PHLDB1: variants seen among roughly 807,000 people sequenced by gnomAD.
PHLDB1 encodes the protein pleckstrin homology-like domain family B member 1.
In PHLDB1, 65 loss-of-function variants were observed where a neutral mutation model predicts 139.3. That is an observed-to-expected ratio of 0.47 (90% CI 0.38 to 0.57). The LOEUF (loss-of-function observed/expected upper bound fraction) is 0.57, where lower values mean the gene tolerates loss of function less well. Among genes scored for constraint, PHLDB1 ranks in the 20% least tolerant of loss-of-function variants. The pLI is 0.00. For missense variants in PHLDB1, 1,624 were observed against 1,839.7 expected, an observed-to-expected ratio of 0.88 and a Z score of 2.14; for synonymous variants, 679 against 734.5, an observed-to-expected ratio of 0.92 and a Z score of 1.22.
intron 10 of PHLDB1, 30 bp downstream of exon 10, chr11:118,635,578 CT>C: frequency 6.8e-7 from 1 of 1,474,538 alleles, no homozygotes; most frequent in Non-Finnish European, 9.0e-7. Context: ...CTGCTGCGTG[CT>C]GTTGGAGGCC....
intron 9 of PHLDB1, chr11:118,634,875 T>TGTTTCTCCCCTGTGCCCC (rs1555113925): frequency 2.6e-6 from 1 of 378,412 alleles, no homozygotes; most frequent in Non-Finnish European, 5.4e-6. Context: ...GTGTGTGTTC[T>TGTTTCTCCCCTGTGCCCC]GTTTCTCCCC....
chr11:118,624,550 C>T (rs536762021), intron 4 of PHLDB1: 3 of 244,746 alleles, frequency 1.2e-5, no homozygotes, highest in African/African-American at 7.3e-5. Flanking sequence ...TAACTTCAGT[C>T]CTGCCTGCCC....
At chr11:118,625,575 A>G (rs1943713091) in intron 5 of PHLDB1, among the ~76,000 whole-genome samples, 1 of 152,226 alleles carries the variant, frequency 6.6e-6, no homozygotes, top group South Asian at 2.1e-4. Context: ...GGGAACCAAC[A>G]CAGGCCCCCT....
chr11:118,627,743 G>T lies in PHLDB1; in HGVS notation c.920G>T (p.Arg307Leu), dbSNP rs145699167. ...CCACAGTCCCGCCCAAGTGGTGCTC[G>T]CTCCGAGAGTCCTCGGCTGAGCAGG... is the stretch of plus-strand genomic sequence containing the variant. ...QPPQSRPSGA[R>L]SESPRLSRKG... Residue 307 changes from arginine to leucine, a missense_variant, in exon 6 of 23, where the codon CGC becomes CTC. Physicochemically the swap from Arg to Leu is moderately radical, Grantham distance 102 (BLOSUM62 -2). Transcript: ENST00000600882. 1.2e-6 allele frequency: 2 copies of T among 1,608,766 alleles called. No individual in the cohort carries two copies. Among genetic ancestry groups the T allele is most frequent in the African/African-American group, 2.7e-5 (2 of 75,048 alleles).
At chr11:118,624,415 T>G (rs1314529715) in intron 4 of PHLDB1, 1 of 155,726 alleles carries the variant, frequency 6.4e-6, no homozygotes, top group East Asian at 1.9e-4. Context: ...TGTCTTGTGC[T>G]GCGGAGCCCT....
Position 118,656,050 on chromosome 11 carries a change from G to A in PHLDB1, c.3993+158G>A, listed in dbSNP as rs527504275. Among the ~76,000 whole-genome samples the A allele has an allele frequency of 5.3e-5, 8 of 152,060 alleles. No homozygotes were observed. The South Asian group carries it at 1.7e-3, about 32-fold the overall frequency. On this transcript the variant is annotated intron_variant, in intron 22 of 22. Coordinates refer to ENST00000600882, the MANE Select transcript of PHLDB1 (RefSeq NM_001144758.3). ...GAGCAAGAAGCTCCTGTGGGCTTGG[G>A]TGCCTCTCTCTCCTTGTTGCCTCCC... is the stretch of plus-strand genomic sequence containing the variant.
rs1555102656 is a variant in PHLDB1 at position 118,627,359 on chromosome 11, G to A, written c.536G>A (p.Gly179Glu). The A allele has an allele frequency of 6.2e-7, 1 of 1,614,136 alleles. No homozygotes were observed. ...GNHTPQTATR[G>E]PSACASHSSL... ...CACACCCCACAGACTGCAACACGGG[G>A]ACCCTCTGCCTGTGCCAGCCACAGT... Residue 179 changes from glycine to glutamate, a missense_variant, in exon 6 of 23, where the codon GGA becomes GAA. Gly to Glu is a moderately conservative substitution (Grantham distance 98). Coordinates refer to ENST00000600882, the MANE Select transcript of PHLDB1 (RefSeq NM_001144758.3).
In PHLDB1 at chr11:118,646,306, G is replaced by C. The variant is rs554566022; in HGVS notation, c.3507+481G>C. The C allele has an allele frequency of 5.2e-5, 8 of 154,902 alleles. No homozygotes were observed. The East Asian group carries it at 7.6e-4, about 15-fold the overall frequency. The allele number at this position is 154,902 out of a possible 1,614,324, so 9.6% of individuals were successfully genotyped here. On this transcript the variant is annotated intron_variant, in intron 17 of 22. Coordinates refer to ENST00000600882, the MANE Select transcript of PHLDB1 (RefSeq NM_001144758.3). ...AAAAAAGGTTGTATTCCTCAAACAG[G>C]CTTAGGGAGGCTTGGTTTGATTACA...
intron 13 of PHLDB1, 84 bp from the exon 14 acceptor site, chr11:118,643,716 G>A (rs1257773576): frequency 3.5e-5 from 56 of 1,608,170 alleles, no homozygotes; most frequent in African/African-American, 2.1e-4. Flanking sequence ...AGGGCGGTAC[G>A]TCAGATCACA....
chr11:118,629,683 C>T (rs1283448572), intron 6 of PHLDB1, among the ~76,000 whole-genome samples: 2 of 152,104 alleles, frequency 1.3e-5, no homozygotes, highest in East Asian at 3.9e-4. Flanking sequence ...TGAGGCGGAT[C>T]CCATCTTTTC....
In PHLDB1 at chr11:118,611,711, T is replaced by C. The variant is rs2135673893; in HGVS notation, c.-21-2105T>C. Among the ~76,000 whole-genome samples the C allele has an allele frequency of 6.6e-6, 1 of 151,444 alleles. No individual in the cohort carries two copies. ...TCTCTACTAAAAATACAAAATTAGCTGGGCTTGGTGGCAGGAGAATCGCTT... is the reference window on the plus strand; with the variant it reads ...TCTCTACTAAAAATACAAAATTAGCCGGGCTTGGTGGCAGGAGAATCGCTT... On this transcript the variant is annotated intron_variant, in intron 1 of 22. Transcript: ENST00000600882. This position sits in a 1 kb window ranked among gnomAD's most constrained non-coding sequence, Gnocchi z 4.7.
At position 118,656,719 on chromosome 11, in the gene PHLDB1, C is replaced by T; in HGVS notation, c.4030C>T (p.His1344Tyr). Residue 1344 changes from histidine to tyrosine, a missense_variant, in exon 23 of 23, where the codon CAT (histidine) becomes TAT (tyrosine). Physicochemically the swap from His to Tyr is moderately conservative, Grantham distance 83. Coordinates refer to ENST00000600882, the MANE Select transcript of PHLDB1 (RefSeq NM_001144758.3). ...NPALTFCVKT[H>Y]DRLYYMVAPS... ...AGCCCTCACCTTCTGCGTAAAGACC[C>T]ATGACCGGCTGTACTACATGGTGGC... 1 of 1,613,994 alleles carries T rather than the reference C, an allele frequency of 6.2e-7. No individual in the cohort carries two copies. The highest frequency in any genetic ancestry group is 8.5e-7 in the Non-Finnish European group (1 of 1,179,890).
In PHLDB1 at chr11:118,608,469, G is replaced by C. The variant is rs560767628; in HGVS notation, c.-22+770G>C. On this transcript the variant is annotated intron_variant, in intron 1 of 22. Coordinates refer to ENST00000600882, the MANE Select transcript of PHLDB1 (RefSeq NM_001144758.3). The surrounding 1 kb of genome is among the most constrained non-coding windows in gnomAD (Gnocchi z 6.7). ...CTGGGTAGGGGCGCCGGCGCAGGGTGGCCGAGTCGCCCGCTAGCGCTTCCG... is the reference window on the plus strand; with the variant it reads ...CTGGGTAGGGGCGCCGGCGCAGGGTCGCCGAGTCGCCCGCTAGCGCTTCCG... Among the ~76,000 whole-genome samples the C allele has an allele frequency of 6.6e-6, 1 of 152,270 alleles. No individual in the cohort carries two copies. The highest frequency in any genetic ancestry group is 1.9e-4 in the East Asian group (1 of 5,166).
chr11:118,644,386 G>C, intron 15 of PHLDB1: 1 of 576,596 alleles, frequency 1.7e-6, no homozygotes, highest in South Asian at 2.0e-5. Context: ...TTAGGGGGCT[G>C]TGACATCTTT....
chr11:118,656,431 C>G (rs782234982), intron 22 of PHLDB1, among the ~76,000 whole-genome samples: 1 of 152,182 alleles, frequency 6.6e-6, no homozygotes, highest in African/African-American at 2.4e-5. Context: ...AGGACCAGTG[C>G]CCCCCTTGTC....
rs782530871 is a variant in PHLDB1 at position 118,644,111 on chromosome 11, C to G, written c.3058C>G (p.Arg1020Gly). ...LTQNGTGSLPRNLAATLQDIE... is the reference protein window; with the variant it reads ...LTQNGTGSLPGNLAATLQDIE... ...CCAGAATGGCACGGGCAGCCTTCCT[C>G]GCAACCTGGCAGCCACACTGCAGGA... The change falls in exon 15 of 23, where the codon CGC becomes GGC. Residue 1020 changes from arginine to glycine, a missense_variant. Coordinates refer to ENST00000600882, the MANE Select transcript of PHLDB1 (RefSeq NM_001144758.3). 9 of 1,613,796 alleles carry G rather than the reference C, an allele frequency of 5.6e-6. No individual in the cohort carries two copies. Among genetic ancestry groups the G allele is most frequent in the Non-Finnish European group, 7.6e-6 (9 of 1,179,962 alleles).
At chr11:118,617,254 T>A (rs923668102) in intron 4 of PHLDB1, among the ~76,000 whole-genome samples, 1 of 151,890 alleles carries the variant, frequency 6.6e-6, no homozygotes, top group African/African-American at 2.4e-5. Flanking sequence ...AGAGGTGAAG[T>A]TAAAGGCTAA....
chr11:118,655,348 GTA>G, intron 20 of PHLDB1: 1 of 360,912 alleles, frequency 2.8e-6, no homozygotes, highest in Non-Finnish European at 5.1e-6. Flanking sequence ...TATATTTGTT[GTA>G]TGTTTTTGTC....
chr11:118,648,149 G>T, intron 18 of PHLDB1, 73 bp downstream of exon 18: 2 of 1,442,210 alleles, frequency 1.4e-6, no homozygotes, highest in Non-Finnish European at 1.9e-6. Context: ...AGATCCCAGG[G>T]TTTCTGTGTT....
Sources: gnomAD v4.1 joint callset for allele counts (sites outside exome capture counted in the v4.1 genomes callset) on GRCh38, gnomAD v4.1.1 for gene constraint, Gnocchi (gnomAD v3.1) non-coding constraint, MANE v1.5 for transcripts, NCBI Gene and HGNC (gene_info 2026-07-23, HGNC 2026-07-21) for gene names.